The following MLN variants were observed in gnomAD, a reference collection of about 807,000 sequenced individuals.
MLN encodes the protein promotilin.
A neutral mutation model predicts 13.3 loss-of-function variants in MLN; 14 were observed. The observed-to-expected ratio is 1.05, with a 90% CI of 0.69 to 1.64. The LOEUF (loss-of-function observed/expected upper bound fraction) is 1.64, where lower values mean the gene tolerates loss of function less well. MLN is among the 40% of genes most tolerant of loss of function. The pLI, the probability that MLN is intolerant of heterozygous loss-of-function variation, is 0.00. For missense variants in MLN, 122 were observed against 142.9 expected (o/e 0.85, Z 0.75); for synonymous variants, 59 against 54.7 (o/e 1.08, Z -0.34).
chr6:33,799,061 G>A lies in MLN; in HGVS notation c.234+44C>T. The A allele has an allele frequency of 1.5e-6, 2 of 1,376,962 alleles. No individual in the cohort carries two copies. Among genetic ancestry groups the A allele is most frequent in the Non-Finnish European group, 2.1e-6 (2 of 971,006 alleles). 85.3% of individuals were successfully genotyped at this position (1,376,962 alleles called of 1,614,324 possible). A position where few individuals can be genotyped will look rare whatever the true frequency, so the allele number is the denominator to read the frequency against. The stretch of plus-strand genomic sequence containing the variant: ...CTCCAGGCCAGGCAGGGGAATGCAT[G>A]CCCTGCTCTGAGTTTCTCTCCTTTG... On this transcript the variant is annotated intron_variant, in intron 3 of 4. Transcript: ENST00000430124. The surrounding 1 kb of genome is among the most constrained non-coding windows in gnomAD (Gnocchi z 4.6).
At position 33,794,787 on chromosome 6, in the gene MLN, G is replaced by A. The variant is rs967411738; in HGVS notation, c.*38C>T. The A allele has an allele frequency of 6.2e-7, 1 of 1,611,660 alleles. No homozygotes were observed. The highest frequency in any genetic ancestry group is 8.5e-7 in the Non-Finnish European group (1 of 1,178,912). On this transcript the variant is annotated 3_prime_UTR_variant, in exon 5 of 5. Coordinates refer to ENST00000430124, the MANE Select transcript of MLN (RefSeq NM_002418.3). Reference sequence around the variant, plus strand: ...CCAGGGCCTCACTTGGGCAGGAGGGGCCTCCCAAATCTGTCCACCTTCTCC... The same window carrying A: ...CCAGGGCCTCACTTGGGCAGGAGGGACCTCCCAAATCTGTCCACCTTCTCC...
Position 33,799,050 on chromosome 6 carries a change from G to T in MLN, c.234+55C>A. 1 of 1,287,096 alleles carries T rather than the reference G, an allele frequency of 7.8e-7. No individual in the cohort carries two copies. The highest frequency in any genetic ancestry group is 1.1e-6 in the Non-Finnish European group (1 of 895,500). The allele number at this position is 1,287,096 out of a possible 1,614,324, so 79.7% of individuals were successfully genotyped here. Reference sequence around the variant, plus strand: ...GTGGGCTCTGCCTCCAGGCCAGGCAGGGGAATGCATGCCCTGCTCTGAGTT... The same window carrying T: ...GTGGGCTCTGCCTCCAGGCCAGGCATGGGAATGCATGCCCTGCTCTGAGTT... On this transcript the variant is annotated intron_variant, in intron 3 of 4. Coordinates refer to ENST00000430124, the MANE Select transcript of MLN (RefSeq NM_002418.3). The surrounding 1 kb of genome is among the most constrained non-coding windows in gnomAD (Gnocchi z 4.6).
At chr6:33,800,666 C>T (rs1482733847) in intron 2 of MLN, among the ~76,000 whole-genome samples, 8 of 152,228 alleles carry the variant, frequency 5.3e-5, no homozygotes, top group Admixed American at 1.3e-4. Flanking sequence ...CTTTTGTCTT[C>T]GACTGTTAGT....
intron 3 of MLN, 41 bp from the exon 4 acceptor site, chr6:33,795,646 G>A: frequency 6.6e-7 from 1 of 1,525,514 alleles, no homozygotes; most frequent in Non-Finnish European, 8.9e-7. Context: ...GAGAGGTGGA[G>A]AGGGCCCTTA....
At chr6:33,795,129 T>G (rs1767882551) in intron 4 of MLN, among the ~76,000 whole-genome samples, 1 of 152,222 alleles carries the variant, frequency 6.6e-6, no homozygotes, top group Non-Finnish European at 1.5e-5. Flanking sequence ...CTCAGGTAAC[T>G]CGGGCAGACC....
intron 3 of MLN, among the ~76,000 whole-genome samples, chr6:33,796,985 A>G (rs1767940491): frequency 6.6e-6 from 1 of 152,180 alleles, no homozygotes; most frequent in African/African-American, 2.4e-5. Flanking sequence ...CAGCTGCTGG[A>G]TTCCCTCCCA....
At chr6:33,796,366 A>G (rs1372665026) in intron 3 of MLN, among the ~76,000 whole-genome samples, 1 of 151,264 alleles carries the variant, frequency 6.6e-6, no homozygotes, top group East Asian at 1.9e-4. Context: ...GCCTGGCTCC[A>G]GGGTCTGTGC....
At chr6:33,802,408 A>C (rs993138135) in intron 1 of MLN, among the ~76,000 whole-genome samples, 2 of 152,132 alleles carry the variant, frequency 1.3e-5, no homozygotes, top group East Asian at 3.9e-4. Context: ...TTCTGTCGGC[A>C]GGAGAGGGTC....
chr6:33,802,260 G>C (rs1234048659), intron 1 of MLN, among the ~76,000 whole-genome samples: 3 of 152,176 alleles, frequency 2.0e-5, no homozygotes, highest in Admixed American at 2.0e-4. Flanking sequence ...TCCTGCGCTG[G>C]GTGGACTGCT....
intron 2 of MLN, among the ~76,000 whole-genome samples, chr6:33,800,649 C>T (rs1350590701): frequency 1.3e-5 from 2 of 152,198 alleles, no homozygotes; most frequent in African/African-American, 4.8e-5. Context: ...CTGCCTGTGA[C>T]ATCTCTCTTT....
At chr6:33,802,709 G>A (rs1760874890) in intron 1 of MLN, among the ~76,000 whole-genome samples, 1 of 152,194 alleles carries the variant, frequency 6.6e-6, no homozygotes, top group Admixed American at 6.5e-5. Context: ...ATTCCCAGCA[G>A]GCTGAAAGGA....
chr6:33,800,839 A>G (rs1421511610), intron 2 of MLN, among the ~76,000 whole-genome samples: 1 of 152,194 alleles, frequency 6.6e-6, no homozygotes, highest in Non-Finnish European at 1.5e-5. Flanking sequence ...AATTTCCTCC[A>G]AAGGATAGGC....
intron 3 of MLN, among the ~76,000 whole-genome samples, chr6:33,796,468 T>C (rs1397207379): frequency 1.3e-5 from 2 of 152,214 alleles, no homozygotes; most frequent in Admixed American, 1.3e-4. Context: ...AGGGCGCTGA[T>C]TGATCTCCCC....
chr6:33,798,457 G>A (rs962919088), intron 3 of MLN, among the ~76,000 whole-genome samples: 2 of 152,244 alleles, frequency 1.3e-5, no homozygotes, highest in African/African-American at 4.8e-5. Flanking sequence ...GGGTGTTGAG[G>A]CCTGTGGCTG....
chr6:33,801,296 T>C, intron 1 of MLN, 126 bp from the exon 2 acceptor site: 1 of 694,268 alleles, frequency 1.4e-6, no homozygotes, highest in Non-Finnish European at 2.5e-6. Context: ...CAGCCAAAGC[T>C]CAGCCTGTCT....
At chr6:33,800,995 G>A in intron 2 of MLN, 52 bp downstream of exon 2, 7 of 1,381,214 alleles carry the variant, frequency 5.1e-6, no homozygotes, top group Non-Finnish European at 6.2e-6. Context: ...CACCGGCATA[G>A]GTCATAGTGA....
Position 33,799,087 on chromosome 6 carries a change from TC to T in MLN, c.234+17del. 6.4e-7 allele frequency: 1 copy of T among 1,558,586 alleles called. No individual in the cohort carries two copies. Among genetic ancestry groups the T allele is most frequent in the Non-Finnish European group, 8.8e-7 (1 of 1,131,690 alleles). ...CCCTGCTCTGAGTTTCTCTCCTTTG[TC>T]CCAGTTGTCTGCTCACCTTGATCAT... On this transcript the variant is annotated intron_variant, in intron 3 of 4. Transcript: ENST00000430124. This position sits in a 1 kb window ranked among gnomAD's most constrained non-coding sequence, Gnocchi z 4.6.
rs534850417 is a variant in MLN at position 33,802,385 on chromosome 6, C to T, written c.-7-1215G>A. On this transcript the variant is annotated intron_variant, in intron 1 of 4. Coordinates refer to ENST00000430124, the MANE Select transcript of MLN (RefSeq NM_002418.3). ...TCAGATAAAGCGCTCCTCCAGTCCC[C>T]AGGCAGCCTGGATTCTGTCGGCAGG... Among the ~76,000 whole-genome samples the T allele has an allele frequency of 2.6e-3, 403 of 152,258 alleles. 1 individual carries two copies. Among genetic ancestry groups the T allele is most frequent in the African/African-American group, 9.3e-3 (387 of 41,552 alleles).
chr6:33,801,177 A>T lies in MLN; in HGVS notation c.-7-7T>A. ...ACGGGATACCATCTTGGAGCTGGACAATGACAAGGAGCTCTTGTCACTAAG... is the reference window on the plus strand; with the variant it reads ...ACGGGATACCATCTTGGAGCTGGACTATGACAAGGAGCTCTTGTCACTAAG... On this transcript the variant is annotated splice_region_variant and splice_polypyrimidine_tract_variant and intron_variant, in intron 1 of 4. Coordinates refer to ENST00000430124, the MANE Select transcript of MLN (RefSeq NM_002418.3). 6.2e-7 allele frequency: 1 copy of T among 1,601,882 alleles called. No homozygotes were observed.
Sources: gnomAD v4.1 joint callset for allele counts (sites outside exome capture counted in the v4.1 genomes callset) on GRCh38, gnomAD v4.1.1 for gene constraint, Gnocchi (gnomAD v3.1) non-coding constraint, MANE v1.5 for transcripts, NCBI Gene and HGNC (gene_info 2026-07-23, HGNC 2026-07-21) for gene names.